SPIN1: variants seen among roughly 807,000 people sequenced by gnomAD.
The protein encoded by SPIN1 is spindlin-1.
SPIN1 carries 3 observed loss-of-function variants against 26.0 expected under a neutral mutation model. That is an observed-to-expected ratio of 0.12 (90% CI 0.05 to 0.30). The LOEUF (loss-of-function observed/expected upper bound fraction) is 0.30, where lower values mean the gene tolerates loss of function less well. Ranked by LOEUF, SPIN1 falls within the 10% of genes least tolerant of loss-of-function variation. The probability of loss-of-function intolerance (pLI) is 1.00; values close to 1 mark genes in which losing one functional copy is unlikely to be tolerated. For synonymous variants in SPIN1, 101 were observed against 116.5 expected (o/e 0.87, Z 0.86); for missense variants, 126 against 333.4 (o/e 0.38, Z 4.84).
intron 4 of SPIN1, among the ~76,000 whole-genome samples, 172 bp downstream of exon 4, chr9:88,462,921 A>G (rs918073222): frequency 6.6e-6 from 1 of 152,204 alleles, no homozygotes; most frequent in East Asian, 1.9e-4. Context: ...AAGCAGTTCA[A>G]GGAACTGTGT....
At chr9:88,426,876 C>T (rs187284361) in intron 2 of SPIN1, among the ~76,000 whole-genome samples, 110 of 151,462 alleles carry the variant, frequency 7.3e-4, no homozygotes, top group African/African-American at 1.9e-3. Flanking sequence ...GAGTTTTTTC[C>T]GGAAGAGTTA....
chr9:88,447,495 G>A (rs547723703), intron 2 of SPIN1, among the ~76,000 whole-genome samples: 1 of 152,132 alleles, frequency 6.6e-6, no homozygotes, highest in Non-Finnish European at 1.5e-5. Context: ...GCAAGCACGT[G>A]CTGAGCTTTT....
chr9:88,426,798 A>G (rs1827772400), intron 2 of SPIN1, among the ~76,000 whole-genome samples: 2 of 152,206 alleles, frequency 1.3e-5, no homozygotes, highest in African/African-American at 4.8e-5. Flanking sequence ...ATCCTTTAGC[A>G]GGTTATAAAT....
At chr9:88,434,979 G>A (rs1369199683) in intron 2 of SPIN1, among the ~76,000 whole-genome samples, 1 of 151,448 alleles carries the variant, frequency 6.6e-6, no homozygotes, top group Non-Finnish European at 1.5e-5. Context: ...CTGAACCCGG[G>A]AGGCGGAGGT....
At chr9:88,445,518 T>TTTTTA (rs1554695903) in intron 2 of SPIN1, among the ~76,000 whole-genome samples, 1 of 134,610 alleles carries the variant, frequency 7.4e-6, no homozygotes, top group East Asian at 2.2e-4. Flanking sequence ...TATTGAGACT[T>TTTTTA]TTATTATTAT....
intron 5 of SPIN1, among the ~76,000 whole-genome samples, chr9:88,470,265 G>A (rs1180021804): frequency 1.3e-5 from 2 of 152,284 alleles, no homozygotes; most frequent in Middle Eastern, 3.4e-3. Context: ...TATGAATAAT[G>A]CTGCTGTAAA....
At chr9:88,405,548 T>TC (rs1158389387) in intron 1 of SPIN1, among the ~76,000 whole-genome samples, 2 of 146,906 alleles carry the variant, frequency 1.4e-5, no homozygotes, top group Non-Finnish European at 3.0e-5. Context: ...TTTTTTTTTT[T>TC]TTTTTTTTCC....
intron 1 of SPIN1, among the ~76,000 whole-genome samples, chr9:88,389,925 C>T (rs1826882480): frequency 6.6e-6 from 1 of 152,004 alleles, no homozygotes; most frequent in East Asian, 1.9e-4. Context: ...CCTCCCCACT[C>T]TCCCCCCTCA....
chr9:88,471,508 A>G (rs1312996327), intron 5 of SPIN1, among the ~76,000 whole-genome samples: 12 of 151,778 alleles, frequency 7.9e-5, no homozygotes, highest in Admixed American at 7.9e-4. Flanking sequence ...ACTAAAAATT[A>G]GCCAGGTGTG....
chr9:88,435,761 C>T (rs770242487), intron 2 of SPIN1, among the ~76,000 whole-genome samples: 31 of 152,130 alleles, frequency 2.0e-4, no homozygotes, highest in Non-Finnish European at 3.8e-4. Flanking sequence ...GAGTCAGTTT[C>T]TTGGAAACAG....
chr9:88,393,515 C>T (rs1183666539), intron 1 of SPIN1, among the ~76,000 whole-genome samples: 4 of 120,890 alleles, frequency 3.3e-5, no homozygotes, highest in East Asian at 5.3e-4. Flanking sequence ...AGTGCAGTGG[C>T]GCAGTCTCAG....
chr9:88,414,592 C>T (rs1827522590), intron 1 of SPIN1, among the ~76,000 whole-genome samples: 1 of 152,224 alleles, frequency 6.6e-6, no homozygotes. Flanking sequence ...AGACTATGTG[C>T]TCTATCCTGG....
Position 88,435,339 on chromosome 9 carries a change from T to A in SPIN1, c.52+8748T>A, listed in dbSNP as rs146878230. 2.3e-3 allele frequency among the ~76,000 whole-genome samples: 345 copies of A among 151,970 alleles called. 2 individuals carry two copies. Among genetic ancestry groups the A allele is most frequent in the African/African-American group, 8.0e-3 (332 of 41,488 alleles). ...CAAGCGAATCTCCTACCTCAGCCTC[T>A]AAGTCGCTGGGACTACAGGCATGCA... On this transcript the variant is annotated intron_variant, in intron 2 of 5. Coordinates refer to ENST00000375859, the MANE Select transcript of SPIN1 (RefSeq NM_006717.3).
chr9:88,462,872 CATT>C (rs1828598089), intron 4 of SPIN1, 123 bp downstream of exon 4: 6 of 1,187,482 alleles, frequency 5.1e-6, no homozygotes, highest in Non-Finnish European at 6.9e-6. Context: ...TCTTGATAAA[CATT>C]ATATTAAATC....
chr9:88,389,080 A>G (rs1826858251), intron 1 of SPIN1, among the ~76,000 whole-genome samples: 1 of 151,766 alleles, frequency 6.6e-6, no homozygotes, highest in East Asian at 2.0e-4. Context: ...CCCTGGGGCC[A>G]CCCCTCCCAG....
chr9:88,412,205 C>T (rs1460951219), intron 1 of SPIN1, among the ~76,000 whole-genome samples: 1 of 151,958 alleles, frequency 6.6e-6, no homozygotes, highest in South Asian at 2.1e-4. Context: ...CTTTTGTTTC[C>T]TTAACACAAT....
chr9:88,392,686 C>T (rs1359268141), intron 1 of SPIN1, among the ~76,000 whole-genome samples: 1 of 152,030 alleles, frequency 6.6e-6, no homozygotes, highest in African/African-American at 2.4e-5. Context: ...TTCTATCTAT[C>T]CTCCTTTGTG....
intron 1 of SPIN1, among the ~76,000 whole-genome samples, chr9:88,423,022 T>A (rs1014264119): frequency 3.3e-5 from 5 of 152,214 alleles, no homozygotes; most frequent in Admixed American, 6.5e-5. Context: ...GGAAGGACTC[T>A]TATCTGGAGT....
intron 2 of SPIN1, among the ~76,000 whole-genome samples, chr9:88,444,790 A>C (rs1353178113): frequency 6.9e-6 from 1 of 144,260 alleles, no homozygotes; most frequent in Non-Finnish European, 1.5e-5. Flanking sequence ...TCCCGGGTTC[A>C]CACCATTCTC....
Sources: allele counts gnomAD v4.1 joint callset (sites outside exome capture counted in the v4.1 genomes callset), GRCh38; gene constraint gnomAD v4.1.1; transcripts MANE v1.5; gene names NCBI Gene and HGNC (gene_info 2026-07-23, HGNC 2026-07-21).